The following USH2A variants were observed in gnomAD, a reference collection of about 807,000 sequenced individuals.
USH2A encodes usherin, also known as Usher syndrome 2A (autosomal recessive, mild).
A neutral mutation model predicts 538.9 loss-of-function variants in USH2A; 443 were observed. The ratio of observed to expected loss-of-function variants is 0.82; its 90% CI spans 0.76 to 0.89. USH2A has a LOEUF of 0.89. Ranked by LOEUF, USH2A falls within the 40% of genes least tolerant of loss-of-function variation. USH2A has a pLI of 0.00. For synonymous variants in USH2A, 2,413 were observed against 2,273.5 expected (o/e 1.06, Z -1.75); for missense variants, 6,633 against 6,324.8 (o/e 1.05, Z -1.65).
In USH2A at chr1:215,671,095, G is replaced by A. The variant is rs775203541; in HGVS notation, c.14010C>T (p.Tyr4670=). 1.7e-5 allele frequency: 27 copies of A among 1,613,978 alleles called. No homozygotes were observed. Among genetic ancestry groups the A allele is most frequent in the East Asian group, 6.7e-5 (3 of 44,884 alleles). Residue 4670 remains tyrosine (Y), a synonymous_variant, in exon 64 of 72, where the codon TAC becomes TAT. Coordinates refer to ENST00000307340, the MANE Select transcript of USH2A (RefSeq NM_206933.4). ...TTGCTATTTGTCTTCTGTATAATTC[G>A]TAATACAAAACTTTTCCATTTGGCT... is the stretch of plus-strand genomic sequence containing the variant. ...PLQPNGKVLY[Y]ELYRRQIATQ... is the part of the protein sequence containing the mutation.
chr1:216,043,401 C>T (rs762911957), intron 32 of USH2A, among the ~76,000 whole-genome samples: 6 of 151,684 alleles, frequency 4.0e-5, no homozygotes, highest in Non-Finnish European at 8.8e-5. Flanking sequence ...AACATAGTTG[C>T]TTATGAAATG....
In USH2A at chr1:215,719,533, T is replaced by C. The variant is rs77479440; in HGVS notation, c.12066+8497A>G. Among the ~76,000 whole-genome samples the C allele has an allele frequency of 3.1e-3, 468 of 152,294 alleles. 1 individual carries two copies. The highest frequency in any genetic ancestry group is 5.2e-3 in the Non-Finnish European group (352 of 68,020). On this transcript the variant is annotated intron_variant, in intron 61 of 71. Transcript: ENST00000307340. ...CAAGGTGAGGAACACTTAAAATGTA[T>C]AAAACATAAGGTTTTTCACTCATGA...
In USH2A at chr1:216,213,243, G is replaced by A. The variant is rs111878696; in HGVS notation, c.3157+4144C>T. On this transcript the variant is annotated intron_variant, in intron 15 of 71. Coordinates refer to ENST00000307340, the MANE Select transcript of USH2A (RefSeq NM_206933.4). ...GTTTACTAGCTCTAGTAGCTTTCTT[G>A]TGAATTTGTTTGGATTTTCCACATA... Among the ~76,000 whole-genome samples the A allele has an allele frequency of 3.7e-3, 558 of 152,140 alleles. 3 individuals are homozygous for A. The highest frequency in any genetic ancestry group is 0.01 in the Middle Eastern group (3 of 294).
chr1:216,045,621 C>T (rs1425846589), intron 32 of USH2A, among the ~76,000 whole-genome samples: 4 of 152,110 alleles, frequency 2.6e-5, no homozygotes, highest in Admixed American at 2.0e-4. Flanking sequence ...GTCATTGATC[C>T]AACTGGACAC....
intron 21 of USH2A, among the ~76,000 whole-genome samples, chr1:216,100,942 C>G (rs1160510865): frequency 1.3e-5 from 2 of 152,066 alleles, no homozygotes; most frequent in African/African-American, 4.8e-5. Context: ...ATATTTTACA[C>G]AGATCAAGGA....
rs548603501 is a variant in USH2A at position 215,720,342 on chromosome 1, T to C, written c.12066+7688A>G. On this transcript the variant is annotated intron_variant, in intron 61 of 71. Transcript: ENST00000307340. ...TGGGAGTGTTGCCAGAAAAGTGAGA[T>C]GAACAGTCTGGTCTTGGCAAGAGGC... Among the ~76,000 whole-genome samples the C allele has an allele frequency of 1.2e-4, 18 of 152,270 alleles. No homozygotes were observed. In the East Asian group the frequency reaches 3.5e-3, roughly 29 times the overall value.
At chr1:215,802,942 T>C (rs1662381872) in intron 49 of USH2A, among the ~76,000 whole-genome samples, 1 of 152,034 alleles carries the variant, frequency 6.6e-6, no homozygotes, top group Admixed American at 6.6e-5. Flanking sequence ...TAAAAAGGAA[T>C]AAAATCCTGA....
chr1:216,158,924 C>G (rs1338608394), intron 21 of USH2A, among the ~76,000 whole-genome samples: 1 of 152,146 alleles, frequency 6.6e-6, no homozygotes, highest in African/African-American at 2.4e-5. Flanking sequence ...TCCTACATTA[C>G]CTTTTAGCAG....
intron 19 of USH2A, among the ~76,000 whole-genome samples, chr1:216,190,741 C>T (rs2034698381): frequency 6.6e-6 from 1 of 151,820 alleles, no homozygotes; most frequent in Admixed American, 6.6e-5. Context: ...CCAAAAGTAA[C>T]CCAGAGCAGT....
chr1:215,800,007 CA>C (rs1289896754), intron 49 of USH2A, among the ~76,000 whole-genome samples: 1 of 151,786 alleles, frequency 6.6e-6, no homozygotes, highest in African/African-American at 2.4e-5. Flanking sequence ...ACAAAAAAAA[CA>C]AAAAACAGAA....
intron 35 of USH2A, among the ~76,000 whole-genome samples, chr1:215,973,811 A>G (rs1332572543): frequency 6.6e-6 from 1 of 152,082 alleles, no homozygotes; most frequent in East Asian, 1.9e-4. Flanking sequence ...ATACATGGCA[A>G]ATAAGCTGAG....
At position 215,650,712 on chromosome 1, in the gene USH2A, G is replaced by C. The variant is rs1244910729; in HGVS notation, c.14223C>G (p.Pro4741=). 9 of 1,614,020 alleles carry C rather than the reference G, an allele frequency of 5.6e-6. 1 individual carries two copies. The South Asian group carries it at 6.6e-5, about 12-fold the overall frequency. ...GGGTAGAAGAGATCACATGGAACGT[G>C]GGGGCTCTGAGACCTTCTGGTGGGG... The part of the protein sequence containing the change: ...GPAPPEGLRA[P]TFHVISSTQA... The change falls in exon 65 of 72, where the codon CCC becomes CCG. Residue 4741 remains proline, a synonymous_variant. Coordinates refer to ENST00000307340, the MANE Select transcript of USH2A (RefSeq NM_206933.4).
At chr1:215,762,935 T>A (rs914838729) in intron 56 of USH2A, among the ~76,000 whole-genome samples, 2 of 152,146 alleles carry the variant, frequency 1.3e-5, no homozygotes, top group Non-Finnish European at 2.9e-5. Flanking sequence ...CTGTATTTGT[T>A]TTAAATTTAT....
chr1:215,788,665 T>C (rs1029770351), intron 51 of USH2A, among the ~76,000 whole-genome samples: 5 of 152,082 alleles, frequency 3.3e-5, no homozygotes, highest in Non-Finnish European at 5.9e-5. Context: ...AGAGCTTTCA[T>C]AGGAAAAGAA....
chr1:216,026,366 C>A (rs1323301585), intron 32 of USH2A, among the ~76,000 whole-genome samples: 1 of 152,068 alleles, frequency 6.6e-6, no homozygotes, highest in African/African-American at 2.4e-5. Context: ...CCATGGATGG[C>A]ATCTCTCAGG....
At chr1:215,929,235 T>C (rs1019581840) in intron 38 of USH2A, among the ~76,000 whole-genome samples, 16 of 152,114 alleles carry the variant, frequency 1.1e-4, no homozygotes, top group Non-Finnish European at 2.1e-4. Context: ...AGTAGCTCTA[T>C]ATAAACACAG....
At chr1:216,291,017 A>G (rs533794471) in intron 10 of USH2A, among the ~76,000 whole-genome samples, 1 of 152,100 alleles carries the variant, frequency 6.6e-6, no homozygotes, top group Non-Finnish European at 1.5e-5. Context: ...GCACCTCACT[A>G]ACTAGTTTTC....
intron 32 of USH2A, among the ~76,000 whole-genome samples, chr1:216,004,999 T>C (rs1338818228): frequency 1.3e-5 from 2 of 152,174 alleles, no homozygotes; most frequent in Non-Finnish European, 2.9e-5. Context: ...CCATTTACCA[T>C]GAGTGATCTT....
intron 14 of USH2A, among the ~76,000 whole-genome samples, chr1:216,225,126 C>G (rs185244078): frequency 1.1e-3 from 166 of 152,038 alleles, no homozygotes; most frequent in African/African-American, 3.7e-3. Flanking sequence ...CTTTAAAAAA[C>G]AAAAATTTCT....
Sources: gnomAD v4.1 joint callset for allele counts (sites outside exome capture counted in the v4.1 genomes callset) on GRCh38, gnomAD v4.1.1 for gene constraint, MANE v1.5 for transcripts, NCBI Gene and HGNC (gene_info 2026-07-23, HGNC 2026-07-21) for gene names.